ITGB3BP: variants seen among roughly 807,000 people sequenced by gnomAD.
ITGB3BP encodes the protein centromere protein R.
ITGB3BP carries 27 observed loss-of-function variants against 29.1 expected under a neutral mutation model. The observed-to-expected ratio is 0.93, with a 90% CI of 0.68 to 1.28. ITGB3BP has a LOEUF of 1.28. Ranked by LOEUF, ITGB3BP falls within the 50% of genes most tolerant of loss-of-function variation. The probability of loss-of-function intolerance (pLI) is 0.00; values close to 1 mark genes in which losing one functional copy is unlikely to be tolerated. For missense variants in ITGB3BP, 192 were observed against 200.2 expected, an observed-to-expected ratio of 0.96 and a Z score of 0.25; for synonymous variants, 61 against 61.4, an observed-to-expected ratio of 0.99 and a Z score of 0.03.
chr1:63,487,281 TA>T (rs1645549548), intron 3 of ITGB3BP, among the ~76,000 whole-genome samples: 1 of 152,066 alleles, frequency 6.6e-6, no homozygotes, highest in African/African-American at 2.4e-5. Flanking sequence ...AATCTTCATG[TA>T]AGTGGACCTG....
chr1:63,510,238 T>G (rs1646171704), intron 1 of ITGB3BP: 1 of 438,886 alleles, frequency 2.3e-6, no homozygotes, highest in Non-Finnish European at 4.1e-6. Flanking sequence ...AGTTAAACAG[T>G]ACAGCATTTC....
At chr1:63,473,073 C>T (rs1271390974) in intron 4 of ITGB3BP, among the ~76,000 whole-genome samples, 1 of 151,944 alleles carries the variant, frequency 6.6e-6, no homozygotes, top group African/African-American at 2.4e-5. Context: ...AAGTGAGGAG[C>T]GTCTCTGCCC....
intron 4 of ITGB3BP, among the ~76,000 whole-genome samples, chr1:63,478,335 T>A (rs7413424): frequency 0.93 from 141,468 of 152,260 alleles, 66,641 homozygotes; most frequent in East Asian, 1. Context: ...AATTTGAAAA[T>A]GATTGGTTGC....
chr1:63,464,819 T>C (rs1486617757), intron 4 of ITGB3BP, among the ~76,000 whole-genome samples: 1 of 152,060 alleles, frequency 6.6e-6, no homozygotes, highest in East Asian at 1.9e-4. Context: ...CCAAAATACA[T>C]AACATGAATA....
In ITGB3BP at chr1:63,454,835, C is replaced by A; in HGVS notation, c.333+55G>T. ...CTGGATTGGATTCTCCAATCTGGGA[C>A]ACTTCTTTCATTTTATCCTTTTCAA... On this transcript the variant is annotated intron_variant, in intron 5 of 8. Coordinates refer to ENST00000271002, the MANE Select transcript of ITGB3BP (RefSeq NM_014288.5). The surrounding 1 kb of genome is among the most constrained non-coding windows in gnomAD (Gnocchi z 4.1). 4 of 769,722 alleles carry A rather than the reference C, an allele frequency of 5.2e-6. No individual in the cohort carries two copies. Among genetic ancestry groups the A allele is most frequent in the Non-Finnish European group, 8.6e-6 (4 of 464,974 alleles). The allele number at this position is 769,722 out of a possible 1,614,324, so 47.7% of individuals were successfully genotyped here. A position where few individuals can be genotyped will look rare whatever the true frequency, so the allele number is the denominator to read the frequency against.
At chr1:63,510,182 C>A in intron 1 of ITGB3BP, 1 of 509,138 alleles carries the variant, frequency 2.0e-6, no homozygotes, top group Non-Finnish European at 3.6e-6. Context: ...GGGAGCAAAA[C>A]TGTCTCAAAA....
At chr1:63,489,507 A>T (rs1645600782) in intron 3 of ITGB3BP, among the ~76,000 whole-genome samples, 1 of 151,712 alleles carries the variant, frequency 6.6e-6, no homozygotes, top group African/African-American at 2.4e-5. Flanking sequence ...TCAAAATTAA[A>T]ATTAAACTAA....
chr1:63,446,888 G>A (rs1402031087), intron 7 of ITGB3BP, 32 bp from the exon 8 acceptor site: 4 of 1,498,162 alleles, frequency 2.7e-6, no homozygotes, highest in Non-Finnish European at 3.7e-6. Context: ...TTTTTTTTCA[G>A]AAAACAATTC....
At chr1:63,484,960 G>C (rs550844528) in intron 3 of ITGB3BP, among the ~76,000 whole-genome samples, 158 of 152,030 alleles carry the variant, frequency 1.0e-3, no homozygotes, top group Middle Eastern at 6.8e-3. Flanking sequence ...CTTATGTAAA[G>C]AGCCTCATTA....
Position 63,470,138 on chromosome 1 carries a change from G to T in ITGB3BP, c.254+8626C>A, listed in dbSNP as rs1219881354. On this transcript the variant is annotated intron_variant, in intron 4 of 8. Coordinates refer to ENST00000271002, the MANE Select transcript of ITGB3BP (RefSeq NM_014288.5). ...TCTATAGAAACAATGCTAATGACTG[G>T]ATTGCTGTTAATAAATACGTGGGTA... is the stretch of plus-strand genomic sequence containing the variant. 2.0e-5 allele frequency among the ~76,000 whole-genome samples: 3 copies of T among 152,288 alleles called. No homozygotes were observed. In the East Asian group the frequency reaches 5.8e-4, roughly 29 times the overall value.
At chr1:63,466,564 T>C (rs897715413) in intron 4 of ITGB3BP, among the ~76,000 whole-genome samples, 1 of 152,246 alleles carries the variant, frequency 6.6e-6, no homozygotes, top group African/African-American at 2.4e-5. Context: ...TATTCTTCTT[T>C]TAAAGAATTT....
chr1:63,468,175 T>C (rs1194495058), intron 4 of ITGB3BP, among the ~76,000 whole-genome samples: 1 of 152,202 alleles, frequency 6.6e-6, no homozygotes, highest in Non-Finnish European at 1.5e-5. Flanking sequence ...ATCTGAGAAG[T>C]AGTCTCTTTT....
intron 8 of ITGB3BP, among the ~76,000 whole-genome samples, chr1:63,445,517 TGGA>T (rs1373221439): frequency 6.6e-6 from 1 of 152,130 alleles, no homozygotes; most frequent in African/African-American, 2.4e-5. Context: ...AAAAGTATCT[TGGA>T]GGTAGAATAT....
At chr1:63,471,667 A>C (rs535771375) in intron 4 of ITGB3BP, among the ~76,000 whole-genome samples, 1 of 152,226 alleles carries the variant, frequency 6.6e-6, no homozygotes, top group Non-Finnish European at 1.5e-5. Flanking sequence ...GCTGATAACA[A>C]ATAACAGTGC....
At chr1:63,504,027 T>C (rs1346975524) in intron 2 of ITGB3BP, among the ~76,000 whole-genome samples, 4 of 151,872 alleles carry the variant, frequency 2.6e-5, no homozygotes, top group Admixed American at 1.3e-4. Flanking sequence ...AACTTTAAAG[T>C]AGTTTTTTCC....
At position 63,467,727 on chromosome 1, in the gene ITGB3BP, A is replaced by T. The variant is rs542091858; in HGVS notation, c.254+11037T>A. On this transcript the variant is annotated intron_variant, in intron 4 of 8. Coordinates refer to ENST00000271002, the MANE Select transcript of ITGB3BP (RefSeq NM_014288.5). ...GTCATACTGGCCATCATAATACCAC[A>T]CTGTGTTCTAACAACTTATCTAATG... 3.3e-5 allele frequency among the ~76,000 whole-genome samples: 5 copies of T among 152,212 alleles called. No individual in the cohort carries two copies. In the South Asian group the frequency reaches 1.0e-3, roughly 32 times the overall value.
At position 63,492,138 on chromosome 1, in the gene ITGB3BP, G is replaced by A. The variant is rs539716921; in HGVS notation, c.49-1920C>T. Among the ~76,000 whole-genome samples, 167 of 151,658 alleles carry A rather than the reference G, an allele frequency of 1.1e-3. 1 individual carries two copies. The highest frequency in any genetic ancestry group is 3.8e-3 in the African/African-American group (159 of 41,306). On this transcript the variant is annotated intron_variant, in intron 2 of 8. Coordinates refer to ENST00000271002, the MANE Select transcript of ITGB3BP (RefSeq NM_014288.5). Reference sequence around the variant, plus strand: ...AACTGTAGATCATACATTTCTCCTTGGAAACAATTTTCCAGCTTTCAGAAA... The same window carrying A: ...AACTGTAGATCATACATTTCTCCTTAGAAACAATTTTCCAGCTTTCAGAAA...
At chr1:63,503,906 G>GCCTGA (rs1557648458) in intron 2 of ITGB3BP, among the ~76,000 whole-genome samples, 56 of 150,776 alleles carry the variant, frequency 3.7e-4, no homozygotes, top group African/African-American at 1.3e-3. Flanking sequence ...TGCTGTTTTG[G>GCCTGA]TTACTGTAGC....
At chr1:63,517,903 C>T (rs182078605) in intron 1 of ITGB3BP, among the ~76,000 whole-genome samples, 86 of 152,008 alleles carry the variant, frequency 5.7e-4, no homozygotes, top group African/African-American at 1.9e-3. Context: ...CATATTTTTT[C>T]GTAGAGACAG....
Sources: allele counts gnomAD v4.1 joint callset (sites outside exome capture counted in the v4.1 genomes callset), GRCh38; gene constraint gnomAD v4.1.1; non-coding constraint Gnocchi (gnomAD v3.1); transcripts MANE v1.5; gene names NCBI Gene and HGNC (gene_info 2026-07-23, HGNC 2026-07-21).